The following MDGA2 variants were observed in gnomAD, a reference collection of about 807,000 sequenced individuals.
MDGA2 encodes the protein MAM domain containing glycosylphosphatidylinositol anchor 2.
MDGA2 carries 40 observed loss-of-function variants against 117.8 expected under a neutral mutation model. That is an observed-to-expected ratio of 0.34 (90% CI 0.26 to 0.44). MDGA2 has a LOEUF of 0.44. Among genes scored for constraint, MDGA2 ranks in the 20% least tolerant of loss-of-function variants. The pLI is 1.00. For missense variants in MDGA2, 1,123 were observed against 1,250.6 expected, an observed-to-expected ratio of 0.90 and a Z score of 1.54; for synonymous variants, 452 against 439.0, an observed-to-expected ratio of 1.03 and a Z score of -0.37.
intron 2 of MDGA2, among the ~76,000 whole-genome samples, chr14:47,267,948 C>A (rs1888019226): frequency 6.6e-6 from 1 of 152,156 alleles, no homozygotes; most frequent in Admixed American, 6.5e-5. Flanking sequence ...TAGTACTGAG[C>A]AACGTTCTTT....
In MDGA2 at chr14:47,037,840, A is replaced by T. The variant is rs530702383; in HGVS notation, c.1526-2536T>A. Among the ~76,000 whole-genome samples the T allele has an allele frequency of 8.5e-5, 13 of 152,338 alleles. No individual in the cohort carries two copies. In the South Asian group the frequency reaches 1.7e-3, roughly 19 times the overall value. ...TAACTTTAAAGACTAATGGAGGGTT[A>T]TTACTTGAAATATACAATCCATATC... On this transcript the variant is annotated intron_variant, in intron 7 of 16. Transcript: ENST00000399232.
At chr14:47,032,391 A>T (rs2138635056) in intron 8 of MDGA2, among the ~76,000 whole-genome samples, 1 of 152,074 alleles carries the variant, frequency 6.6e-6, no homozygotes, top group South Asian at 2.1e-4. Flanking sequence ...GTTTGGGACA[A>T]GCCTGAGCAA....
chr14:47,105,629 A>C (rs1173219074), intron 5 of MDGA2, among the ~76,000 whole-genome samples: 2 of 152,004 alleles, frequency 1.3e-5, no homozygotes, highest in East Asian at 3.9e-4. Context: ...TGCAAAATCG[A>C]AATAATTCTT....
Position 47,325,728 on chromosome 14 carries a change from G to A in MDGA2, c.281-24178C>T, listed in dbSNP as rs192989578. ...AGGGAATAAATTTTAACAAGGCTCA[G>A]AAATATCTGATAATGGAGTACAGTG... On this transcript the variant is annotated intron_variant, in intron 1 of 16. Transcript: ENST00000399232. Among the ~76,000 whole-genome samples the A allele has an allele frequency of 7.3e-3, 1,113 of 152,196 alleles. 14 individuals are homozygous for A. The highest frequency in any genetic ancestry group is 0.026 in the African/African-American group (1,067 of 41,524).
chr14:47,455,530 G>A (rs138832287), intron 1 of MDGA2, among the ~76,000 whole-genome samples: 7 of 152,076 alleles, frequency 4.6e-5, no homozygotes, highest in African/African-American at 1.7e-4. Flanking sequence ...GAAGAAGCAT[G>A]TAAAAGAGTG....
chr14:47,442,321 T>G (rs986732490), intron 1 of MDGA2, among the ~76,000 whole-genome samples: 1 of 152,158 alleles, frequency 6.6e-6, no homozygotes, highest in Non-Finnish European at 1.5e-5. Flanking sequence ...AAGGCTTCTC[T>G]GATCATCTGA....
chr14:46,989,286 TC>T (rs923918977), intron 8 of MDGA2, among the ~76,000 whole-genome samples: 3 of 148,852 alleles, frequency 2.0e-5, no homozygotes, highest in Admixed American at 6.8e-5. Flanking sequence ...AAAATGGAAC[TC>T]CCCCCACACA....
At chr14:47,287,852 C>A (rs1316342112) in intron 2 of MDGA2, among the ~76,000 whole-genome samples, 1 of 152,000 alleles carries the variant, frequency 6.6e-6, no homozygotes, top group Non-Finnish European at 1.5e-5. Context: ...AGTGTCGTTA[C>A]AAGAAGAGGA....
intron 1 of MDGA2, among the ~76,000 whole-genome samples, chr14:47,463,374 A>C (rs999690723): frequency 3.9e-5 from 6 of 152,284 alleles, no homozygotes; most frequent in African/African-American, 1.2e-4. Flanking sequence ...TTCACAATTT[A>C]GGTATAGAAT....
intron 1 of MDGA2, among the ~76,000 whole-genome samples, chr14:47,542,167 C>T (rs1430941368): frequency 6.6e-6 from 1 of 152,132 alleles, no homozygotes; most frequent in Non-Finnish European, 1.5e-5. Flanking sequence ...CGAATTATCC[C>T]TCATTCAAGG....
intron 9 of MDGA2, among the ~76,000 whole-genome samples, chr14:46,951,132 A>T (rs1566541675): frequency 6.6e-6 from 1 of 152,020 alleles, no homozygotes; most frequent in Non-Finnish European, 1.5e-5. Context: ...TCCTAGCTCA[A>T]ATATTTCCAA....
At chr14:47,583,888 A>C (rs1263452220) in intron 1 of MDGA2, among the ~76,000 whole-genome samples, 4 of 151,814 alleles carry the variant, frequency 2.6e-5, no homozygotes, top group Non-Finnish European at 5.9e-5. Context: ...CATAATCCTC[A>C]ACACATTTTA....
intron 3 of MDGA2, among the ~76,000 whole-genome samples, chr14:47,156,030 G>A (rs779585963): frequency 6.8e-6 from 1 of 147,934 alleles, no homozygotes; most frequent in South Asian, 2.2e-4. Context: ...TGCCTCAGCC[G>A]CTGGCGTAGC....
At chr14:47,636,057 AT>A (rs1039777735) in intron 1 of MDGA2, among the ~76,000 whole-genome samples, 40 of 152,084 alleles carry the variant, frequency 2.6e-4, no homozygotes, top group Non-Finnish European at 5.3e-4. Context: ...TAAATCGGAA[AT>A]TTTTTTCAAA....
At chr14:47,470,975 G>T (rs1893713190) in intron 1 of MDGA2, among the ~76,000 whole-genome samples, 1 of 152,162 alleles carries the variant, frequency 6.6e-6, no homozygotes, top group Admixed American at 6.6e-5. Flanking sequence ...TCACTTATAA[G>T]TGTTATCTGA....
At chr14:47,378,395 C>T (rs552900185) in intron 1 of MDGA2, among the ~76,000 whole-genome samples, 3 of 152,118 alleles carry the variant, frequency 2.0e-5, no homozygotes, top group South Asian at 2.1e-4. Flanking sequence ...AGGCTTCAGA[C>T]GATCGGTAAT....
intron 1 of MDGA2, among the ~76,000 whole-genome samples, chr14:47,436,157 C>T (rs1379182617): frequency 6.6e-6 from 1 of 152,080 alleles, no homozygotes; most frequent in Non-Finnish European, 1.5e-5. Context: ...AAATACATCT[C>T]TGATATTCCC....
chr14:47,178,793 G>T (rs897002802), intron 3 of MDGA2, among the ~76,000 whole-genome samples: 2 of 152,046 alleles, frequency 1.3e-5, no homozygotes, highest in African/African-American at 4.8e-5. Flanking sequence ...GTCAGAAATA[G>T]CAACAAATTC....
intron 2 of MDGA2, among the ~76,000 whole-genome samples, chr14:47,300,790 C>T (rs888024744): frequency 6.6e-6 from 1 of 152,074 alleles, no homozygotes; most frequent in African/African-American, 2.4e-5. Context: ...TGAGCCACCA[C>T]ACCTGGGCTT....
Sources: allele counts gnomAD v4.1 joint callset (sites outside exome capture counted in the v4.1 genomes callset), GRCh38; gene constraint gnomAD v4.1.1; transcripts MANE v1.5; gene names NCBI Gene and HGNC (gene_info 2026-07-23, HGNC 2026-07-21).